The following ANKS1B variants were observed in gnomAD, a reference collection of about 807,000 sequenced individuals.
ANKS1B encodes the protein ankyrin repeat and sterile alpha motif domain containing 1B, also known as ankyrin repeat and sterile alpha motif domain-containing protein 1B.
A neutral mutation model predicts 148.3 loss-of-function variants in ANKS1B; 36 were observed. The ratio of observed to expected loss-of-function variants is 0.24; its 90% CI spans 0.19 to 0.32. The LOEUF is 0.32. ANKS1B is among the 10% of genes least tolerant of loss of function. The pLI is 1.00. For synonymous variants in ANKS1B, 542 were observed against 560.8 expected, an observed-to-expected ratio of 0.97 and a Z score of 0.47; for missense variants, 1,157 against 1,542.6, an observed-to-expected ratio of 0.75 and a Z score of 4.19.
chr12:99,387,603 A>AAAAG (rs1555411884), intron 12 of ANKS1B, among the ~76,000 whole-genome samples: 6,357 of 151,030 alleles, frequency 0.042, 387 homozygotes, highest in African/African-American at 0.13. Flanking sequence ...CTCAAAAAAA[A>AAAAG]AAGAAGAAGA....
chr12:99,906,295 G>A (rs896628318), intron 1 of ANKS1B, among the ~76,000 whole-genome samples: 10 of 152,150 alleles, frequency 6.6e-5, no homozygotes, highest in Non-Finnish European at 1.2e-4. Context: ...GATCTGTATC[G>A]CTACATTCTC....
At chr12:99,064,629 A>G (rs2043485578) in intron 16 of ANKS1B, among the ~76,000 whole-genome samples, 1 of 152,210 alleles carries the variant, frequency 6.6e-6, no homozygotes, top group Non-Finnish European at 1.5e-5. Flanking sequence ...CGTGTGTGAG[A>G]GCTACTAGTC....
chr12:99,334,783 C>T (rs930567594), intron 12 of ANKS1B, among the ~76,000 whole-genome samples: 3 of 151,958 alleles, frequency 2.0e-5, no homozygotes, highest in South Asian at 2.1e-4. Flanking sequence ...ATTTTTTCTT[C>T]CTTTACGTAT....
In ANKS1B at chr12:99,196,623, T is replaced by A. The variant is rs538634426; in HGVS notation, c.2420-42228A>T. The stretch of plus-strand genomic sequence containing the variant: ...TTGTTTTTGTTTTTTTTCTTTTTTT[T>A]AAATTTTATTATTATTATACTTTAA... On this transcript the variant is annotated intron_variant, in intron 14 of 26. Transcript: ENST00000683438. Among the ~76,000 whole-genome samples the A allele has an allele frequency of 6.4e-4, 98 of 152,150 alleles. No individual in the cohort carries two copies. In the South Asian group the frequency reaches 9.1e-3, roughly 14 times the overall value.
At chr12:98,814,028 C>T (rs2099119009) in intron 19 of ANKS1B, among the ~76,000 whole-genome samples, 1 of 149,672 alleles carries the variant, frequency 6.7e-6, no homozygotes, top group Non-Finnish European at 1.5e-5. Context: ...TTACAGATGC[C>T]TGCCACCACA....
At chr12:98,761,407 G>T (rs2098403255) in intron 25 of ANKS1B, among the ~76,000 whole-genome samples, 1 of 152,148 alleles carries the variant, frequency 6.6e-6, no homozygotes, top group South Asian at 2.1e-4. Flanking sequence ...TTCTTTCAAA[G>T]AAATATGCAG....
chr12:99,146,039 C>T (rs779260763), intron 15 of ANKS1B, among the ~76,000 whole-genome samples: 1 of 151,756 alleles, frequency 6.6e-6, no homozygotes, highest in Non-Finnish European at 1.5e-5. Context: ...TTATATGAAA[C>T]TATATAGAAT....
intron 12 of ANKS1B, among the ~76,000 whole-genome samples, chr12:99,253,374 T>C (rs2074877054): frequency 1.3e-5 from 2 of 152,118 alleles, no homozygotes; most frequent in African/African-American, 2.4e-5. Context: ...ACTGAGGTAG[T>C]AGCAGGAAGC....
chr12:99,336,606 T>C (rs1036817315), intron 12 of ANKS1B, among the ~76,000 whole-genome samples: 4 of 152,116 alleles, frequency 2.6e-5, no homozygotes, highest in African/African-American at 9.6e-5. Flanking sequence ...TTTGCCACCA[T>C]CATTTATTGA....
chr12:99,551,573 AGG>A (rs2097219418), intron 9 of ANKS1B, among the ~76,000 whole-genome samples: 4 of 109,332 alleles, frequency 3.7e-5, no homozygotes, highest in Non-Finnish European at 5.8e-5. Context: ...GGGAGGGGAG[AGG>A]AAGAATACTC....
intron 15 of ANKS1B, among the ~76,000 whole-genome samples, chr12:99,107,186 C>G (rs2059403584): frequency 1.3e-5 from 2 of 151,904 alleles, no homozygotes; most frequent in South Asian, 4.2e-4. Flanking sequence ...ATTAATATAG[C>G]AAATACAGTA....
rs2093061675 is a variant in ANKS1B, at chr12:99,890,777, AAAGAG to A, written c.135-65393_135-65389del. 2.0e-5 allele frequency among the ~76,000 whole-genome samples: 3 copies of A among 152,342 alleles called. No individual in the cohort carries two copies. The South Asian group carries it at 6.2e-4, about 32-fold the overall frequency. On this transcript the variant is annotated intron_variant, in intron 1 of 26. Coordinates refer to ENST00000683438, the MANE Select transcript of ANKS1B (RefSeq NM_001352186.2). ...TTAAACAGTTGAATAAGCAAGCTAT[AAAGAG>A]AAGATGTGACCAGAGATAGGGAAGC... is the stretch of plus-strand genomic sequence containing the variant.
intron 9 of ANKS1B, among the ~76,000 whole-genome samples, chr12:99,651,623 T>C (rs756220858): frequency 2.0e-5 from 3 of 152,158 alleles, no homozygotes; most frequent in Non-Finnish European, 4.4e-5. Flanking sequence ...AATTGTATAT[T>C]CCTTTGGTAA....
At chr12:99,198,786 T>C (rs2081694836) in intron 14 of ANKS1B, among the ~76,000 whole-genome samples, 1 of 152,180 alleles carries the variant, frequency 6.6e-6, no homozygotes, top group Admixed American at 6.6e-5. Flanking sequence ...CCTCAAATGA[T>C]TCTTGGCTTC....
At chr12:99,800,873 TC>T (rs1479435737) in intron 4 of ANKS1B, among the ~76,000 whole-genome samples, 5 of 152,034 alleles carry the variant, frequency 3.3e-5, no homozygotes, top group Admixed American at 6.6e-5. Context: ...ATATTGGAAC[TC>T]AAGAGATTGG....
chr12:98,833,939 T>TTTTTTTTTTTTTTTTTTTGAGACGGA (rs2099347108), intron 17 of ANKS1B, among the ~76,000 whole-genome samples: 1 of 152,246 alleles, frequency 6.6e-6, no homozygotes, highest in African/African-American at 2.4e-5. Context: ...TTCTTTTTTA[T>TTTTTTTTTTTTTTTTTTTGAGACGGA]GTCTGTGTAG....
At chr12:99,866,066 T>A (rs2090713359) in intron 1 of ANKS1B, among the ~76,000 whole-genome samples, 1 of 152,200 alleles carries the variant, frequency 6.6e-6, no homozygotes, top group Non-Finnish European at 1.5e-5. Context: ...CCAACAAAAC[T>A]ATTGTGAGTA....
At chr12:99,750,162 C>T (rs1284048993) in intron 8 of ANKS1B, among the ~76,000 whole-genome samples, 1 of 151,932 alleles carries the variant, frequency 6.6e-6, no homozygotes, top group African/African-American at 2.4e-5. Flanking sequence ...GTGAGTGAGG[C>T]ACTTATAATT....
chr12:98,970,613 T>A (rs1432707108), intron 17 of ANKS1B, among the ~76,000 whole-genome samples: 1 of 152,186 alleles, frequency 6.6e-6, no homozygotes, highest in Non-Finnish European at 1.5e-5. Context: ...GGATCAAAAT[T>A]GAGTCTATAT....
Sources: gnomAD v4.1 joint callset for allele counts (sites outside exome capture counted in the v4.1 genomes callset) on GRCh38, gnomAD v4.1.1 for gene constraint, MANE v1.5 for transcripts, NCBI Gene and HGNC (gene_info 2026-07-23, HGNC 2026-07-21) for gene names.